Variants in NUMBL observed in about 807,000 individuals in gnomAD.
NUMBL encodes numb-like protein.
NUMBL carries 20 observed loss-of-function variants against 48.9 expected under a neutral mutation model. The ratio of observed to expected loss-of-function variants is 0.41; its 90% CI spans 0.29 to 0.59. NUMBL has a LOEUF of 0.59. Ranked by LOEUF, NUMBL falls within the 20% of genes least tolerant of loss-of-function variation. The pLI is 0.31. For missense variants in NUMBL, 660 were observed against 846.2 expected, an observed-to-expected ratio of 0.78 and a Z score of 2.73; for synonymous variants, 340 against 348.7, an observed-to-expected ratio of 0.98 and a Z score of 0.28.
Position 40,681,012 on chromosome 19 carries a change from G to C in NUMBL, c.445C>G (p.Pro149Ala). The change falls in exon 6 of 10, where the codon CCT becomes GCT. Residue 149 changes from proline (P) to alanine (A), a missense_variant. Pro to Ala is a conservative substitution (Grantham distance 27, BLOSUM62 -1). Coordinates refer to ENST00000252891, the MANE Select transcript of NUMBL (RefSeq NM_004756.5). ...AAAGCCTTGTCCAGGTTGCGGTCAG[G>C]AGCACAAAAGGAGACCTTTTCGATG... Reference protein sequence around the residue: ...QTIEKVSFCAPDRNLDKAFSY... With the variant: ...QTIEKVSFCAADRNLDKAFSY... 6.2e-7 allele frequency: 1 copy of C among 1,614,234 alleles called. No individual in the cohort carries two copies. Among genetic ancestry groups the C allele is most frequent in the Non-Finnish European group, 8.5e-7 (1 of 1,180,038 alleles).
At position 40,688,451 on chromosome 19, in the gene NUMBL, T is replaced by C. The variant is rs1164623311; in HGVS notation, c.25-1456A>G. On this transcript the variant is annotated intron_variant, in intron 1 of 9. Transcript: ENST00000252891. The surrounding 1 kb of genome is among the most constrained non-coding windows in gnomAD (Gnocchi z 4.6). ...TGCAGTGACCAGGATGTGGCATTTA[T>C]AGCTGGGTTTACACAGAAGACACAG... Among the ~76,000 whole-genome samples the C allele has an allele frequency of 6.6e-6, 1 of 152,212 alleles. No individual in the cohort carries two copies. The highest frequency in any genetic ancestry group is 1.9e-4 in the East Asian group (1 of 5,208).
Position 40,677,166 on chromosome 19 carries a change from C to G in NUMBL, c.730+66G>C, listed in dbSNP as rs370892577. 171 of 1,503,236 alleles carry G rather than the reference C, an allele frequency of 1.1e-4. 3 individuals carry two copies. In the East Asian group the frequency reaches 1.2e-3, roughly 11 times the overall value. The allele number at this position is 1,503,236 out of a possible 1,614,324, so 93.1% of individuals were successfully genotyped here. On this transcript the variant is annotated intron_variant, in intron 7 of 9. Transcript: ENST00000252891. Reference sequence around the variant, plus strand: ...TGAGTCTCTGCACCTCTGCAGCTCCCTGCCCCCTGATACTGGGTACCCTGT... The same window carrying G: ...TGAGTCTCTGCACCTCTGCAGCTCCGTGCCCCCTGATACTGGGTACCCTGT...
chr19:40,677,877 A>T (rs1973977857), intron 6 of NUMBL, among the ~76,000 whole-genome samples: 1 of 152,002 alleles, frequency 6.6e-6, no homozygotes, highest in South Asian at 2.1e-4. Context: ...GTAGTTTCCT[A>T]TGGGGTGGGG....
At chr19:40,671,377 G>GT (rs1418269595) in intron 8 of NUMBL, among the ~76,000 whole-genome samples, 2 of 151,960 alleles carry the variant, frequency 1.3e-5, no homozygotes, top group South Asian at 2.1e-4. Flanking sequence ...CATGTGTGTG[G>GT]GGGGGTGCAA....
intron 7 of NUMBL, 117 bp downstream of exon 7, chr19:40,677,115 G>T: frequency 8.7e-7 from 1 of 1,147,286 alleles, no homozygotes; most frequent in Non-Finnish European, 1.2e-6. Context: ...CGCTTGGCCT[G>T]AAGCATCCCC....
At chr19:40,670,824 C>T (rs1383832791) in intron 8 of NUMBL, among the ~76,000 whole-genome samples, 1 of 152,036 alleles carries the variant, frequency 6.6e-6, no homozygotes, top group Non-Finnish European at 1.5e-5. Context: ...CGTCCTGATG[C>T]GTGACTCCCA....
chr19:40,677,241 T>C lies in NUMBL; in HGVS notation c.721A>G (p.Lys241Glu). 6.4e-7 allele frequency: 1 copy of C among 1,560,530 alleles called. No homozygotes were observed. Among genetic ancestry groups the C allele is most frequent in the Admixed American group, 1.9e-5 (1 of 51,822 alleles). The change falls in exon 7 of 10, where the codon AAG becomes GAG. Residue 241 changes from lysine to glutamate, a missense_variant. Physicochemically the swap from Lys to Glu is moderately conservative, Grantham distance 56 (BLOSUM62 1). Around this residue, in one of 3 missense-constraint regions of NUMBL, gnomAD observed 278 missense variants for 420.6 expected, o/e 0.66. Transcript: ENST00000252891. The stretch of plus-strand genomic sequence containing the variant: ...TTGGGGCAACACCCACCTTTCTTCT[T>C]GTCCGGGGCCTCTCGCTCAGCAGGC... ...GRPAEREAPDKKKAEAAAAPT... is the reference protein window; with the variant it reads ...GRPAEREAPDEKKAEAAAAPT...
At position 40,681,186 on chromosome 19, in the gene NUMBL, T is replaced by A. The variant is rs1342560217; in HGVS notation, c.400-129A>T. ...GGACCCAGCAGTCACTGAGACACCC[T>A]GTGCCTTGCCTGCAGAGGGCTCCCA... On this transcript the variant is annotated intron_variant, in intron 5 of 9. Transcript: ENST00000252891. 3 of 980,954 alleles carry A rather than the reference T, an allele frequency of 3.1e-6. No individual in the cohort carries two copies. The African/African-American group carries it at 4.8e-5, about 16-fold the overall frequency. The allele number at this position is 980,954 out of a possible 1,614,324, so 60.8% of individuals were successfully genotyped here. A position where few individuals can be genotyped will look rare whatever the true frequency, so the allele number is the denominator to read the frequency against.
intron 7 of NUMBL, among the ~76,000 whole-genome samples, chr19:40,674,521 T>G: frequency 6.6e-6 from 1 of 152,034 alleles, no homozygotes; most frequent in East Asian, 1.9e-4. Flanking sequence ...TACCAGGGCC[T>G]CCCCGAGCTG....
rs2081946789 is a variant in NUMBL at position 40,688,738 on chromosome 19, T to C, written c.24+1722A>G. Among the ~76,000 whole-genome samples, 2 of 152,236 alleles carry C rather than the reference T, an allele frequency of 1.3e-5. No homozygotes were observed. Among genetic ancestry groups the C allele is most frequent in the East Asian group, 1.9e-4 (1 of 5,188 alleles). ...TTCCTGGCACCAGCACGGAGACACA[T>C]CCACAGCTTTAGTCACACACAAATA... On this transcript the variant is annotated intron_variant, in intron 1 of 9. Transcript: ENST00000252891. The surrounding 1 kb of genome is among the most constrained non-coding windows in gnomAD (Gnocchi z 4.6).
intron 1 of NUMBL, 150 bp downstream of exon 1, chr19:40,690,310 G>T (rs1434619247): frequency 9.6e-6 from 4 of 415,294 alleles, no homozygotes; most frequent in African/African-American, 2.1e-5. Context: ...GCTTTGGCTT[G>T]TTGGGCCTGT....
rs1196550268 is a variant in NUMBL, at chr19:40,667,277, G to A, written c.*191C>T. 2.5e-6 allele frequency: 2 copies of A among 815,646 alleles called. No homozygotes were observed. The highest frequency in any genetic ancestry group is 3.5e-5 in the African/African-American group (2 of 57,718). 50.5% of individuals were successfully genotyped at this position (815,646 alleles called of 1,614,324 possible). A position where few individuals can be genotyped will look rare whatever the true frequency, so the allele number is the denominator to read the frequency against. On this transcript the variant is annotated 3_prime_UTR_variant, in exon 10 of 10. Coordinates refer to ENST00000252891, the MANE Select transcript of NUMBL (RefSeq NM_004756.5). This position sits in a 1 kb window ranked among gnomAD's most constrained non-coding sequence, Gnocchi z 6.1. Reference sequence around the variant, plus strand: ...CCTTAGCCAGGCTGGGTCCGTCCCTGAATTCCATCCTGTTGCAACCTGGGC... The same window carrying A: ...CCTTAGCCAGGCTGGGTCCGTCCCTAAATTCCATCCTGTTGCAACCTGGGC...
rs1381397797 is a variant in NUMBL, at chr19:40,667,142, C to T, written c.*326G>A. 1 of 337,286 alleles carries T rather than the reference C, an allele frequency of 3.0e-6. No homozygotes were observed. The highest frequency in any genetic ancestry group is 2.2e-5 in the African/African-American group (1 of 46,068). The allele number at this position is 337,286 out of a possible 1,614,324, so 20.9% of individuals were successfully genotyped here. A position where few individuals can be genotyped will look rare whatever the true frequency, so the allele number is the denominator to read the frequency against. On this transcript the variant is annotated 3_prime_UTR_variant, in exon 10 of 10. Transcript: ENST00000252891. This position sits in a 1 kb window ranked among gnomAD's most constrained non-coding sequence, Gnocchi z 6.1. ...ACTGGAAGGTGGGGGTCAACAGAAA[C>T]TGGGAAATGGAGTGTGAACCAAGGG...
chr19:40,668,513 G>A (rs1389927150), intron 9 of NUMBL, among the ~76,000 whole-genome samples: 1 of 152,086 alleles, frequency 6.6e-6, no homozygotes, highest in Admixed American at 6.5e-5. Flanking sequence ...CTGTTGCCCA[G>A]GGATGCCCTA....
chr19:40,684,748 G>A, intron 2 of NUMBL, 192 bp from the exon 3 acceptor site: 1 of 746,212 alleles, frequency 1.3e-6, no homozygotes. Flanking sequence ...GGAGCCAACA[G>A]AAGCCAGGGG....
intron 2 of NUMBL, among the ~76,000 whole-genome samples, chr19:40,686,545 T>C (rs1470493191): frequency 9.2e-6 from 1 of 109,208 alleles, no homozygotes; most frequent in African/African-American, 4.8e-5. Flanking sequence ...GGGTGTTGTC[T>C]AGGAATGTGT....
Position 40,687,031 on chromosome 19 carries a change from T to G in NUMBL, c.25-36A>C. On this transcript the variant is annotated intron_variant, in intron 1 of 9. Coordinates refer to ENST00000252891, the MANE Select transcript of NUMBL (RefSeq NM_004756.5). The surrounding 1 kb of genome is among the most constrained non-coding windows in gnomAD (Gnocchi z 4.6). ...AGGGGAGGAGAAGGTGAGAAGTTTG[T>G]CTGGGTTGGGGCTCAGTCTGATACT... The G allele has an allele frequency of 7.4e-7, 1 of 1,345,174 alleles. No individual in the cohort carries two copies. The highest frequency in any genetic ancestry group is 1.0e-6 in the Non-Finnish European group (1 of 1,002,848). 83.3% of individuals were successfully genotyped at this position (1,345,174 alleles called of 1,614,324 possible).
intron 7 of NUMBL, among the ~76,000 whole-genome samples, chr19:40,675,165 A>AC (rs2081868911): frequency 6.8e-6 from 1 of 146,124 alleles, no homozygotes; most frequent in Admixed American, 6.8e-5. Context: ...AAAAAAAAAA[A>AC]AAAAACTTAG....
At chr19:40,690,398 C>T in intron 1 of NUMBL, 62 bp downstream of exon 1, 1 of 1,034,770 alleles carries the variant, frequency 9.7e-7, no homozygotes, top group Non-Finnish European at 1.2e-6. Flanking sequence ...CGCCTCCCAC[C>T]CTCCGCCACA....
Sources: gnomAD v4.1 joint callset for allele counts (sites outside exome capture counted in the v4.1 genomes callset) on GRCh38, gnomAD v4.1.1 for gene constraint, gnomAD v4.1.1 regional missense constraint, Gnocchi (gnomAD v3.1) non-coding constraint, MANE v1.5 for transcripts, NCBI Gene and HGNC (gene_info 2026-07-23, HGNC 2026-07-21) for gene names.